TENM3: variants seen among roughly 807,000 people sequenced by gnomAD.
TENM3 encodes the protein teneurin-3.
Under a neutral mutation model 255.1 loss-of-function variants are expected in TENM3, and 63 were observed. The ratio of observed to expected loss-of-function variants is 0.25; its 90% confidence interval spans 0.20 to 0.30. The LOEUF (loss-of-function observed/expected upper bound fraction) is 0.30, where lower values mean the gene tolerates loss of function less well. Ranked by LOEUF, TENM3 falls within the 10% of genes least tolerant of loss-of-function variation. The pLI is 1.00. For missense variants in TENM3, 2,929 were observed against 3,461.1 expected (o/e 0.85, Z 3.86); for synonymous variants, 1,306 against 1,322.3 (o/e 0.99, Z 0.27).
intron 1 of TENM3, among the ~76,000 whole-genome samples, chr4:182,255,735 A>G (rs1687886667): frequency 6.6e-6 from 1 of 152,152 alleles, no homozygotes; most frequent in South Asian, 2.1e-4. Flanking sequence ...TGGGGAGAGG[A>G]TGGGTTCAGA....
the TENM3 span, among the ~76,000 whole-genome samples, chr4:181,590,493 G>A: frequency 1.3e-5 from 2 of 152,126 alleles, no homozygotes; most frequent in African/African-American, 4.8e-5. Context: ...GCTCCTTACC[G>A]AGGAAGGGTC....
rs1029461355 is a variant in TENM3, at chr4:182,569,943, A to G, written c.512-30981A>G. On this transcript the variant is annotated intron_variant, in intron 3 of 27. Transcript: ENST00000511685. ...TTTACTAGGTAGAGAATGTGCAGGT[A>G]GGATATATTAGGGTAAATAAAATGT... Among the ~76,000 whole-genome samples, 56 of 152,362 alleles carry G rather than the reference A, an allele frequency of 3.7e-4. 2 individuals are homozygous for G. The highest frequency in any genetic ancestry group is 6.8e-3 in the Middle Eastern group (2 of 294).
rs1248872926 is a variant in TENM3 at position 182,754,077 on chromosome 4, C to T, written c.4018-308C>T. Among the ~76,000 whole-genome samples, 1 of 152,212 alleles carries T rather than the reference C, an allele frequency of 6.6e-6. No individual in the cohort carries two copies. The highest frequency in any genetic ancestry group is 1.5e-5 in the Non-Finnish European group (1 of 68,030). On this transcript the variant is annotated intron_variant, in intron 21 of 27. Transcript: ENST00000511685. This position sits in a 1 kb window ranked among gnomAD's most constrained non-coding sequence, Gnocchi z 5.1. ...AAGCCCCAACATTTGGTGGTTATTGCTGCCATAAGGAACATGTGTGTTCAT... is the reference window on the plus strand; with the variant it reads ...AAGCCCCAACATTTGGTGGTTATTGTTGCCATAAGGAACATGTGTGTTCAT...
intron 3 of TENM3, among the ~76,000 whole-genome samples, chr4:182,510,809 C>A (rs1737318945): frequency 6.6e-6 from 1 of 152,156 alleles, no homozygotes; most frequent in South Asian, 2.1e-4. Context: ...TTGTAAGCCA[C>A]ATCAAATCCT....
At chr4:182,409,336 A>C (rs916660053) in intron 3 of TENM3, among the ~76,000 whole-genome samples, 1 of 152,302 alleles carries the variant, frequency 6.6e-6, no homozygotes, top group African/African-American at 2.4e-5. Context: ...GTTATAACAC[A>C]ACTTCTATTA....
At chr4:181,888,532 A>ATATATATGTGTG in the TENM3 span, among the ~76,000 whole-genome samples, 7 of 78,736 alleles carry the variant, frequency 8.9e-5, no homozygotes, top group African/African-American at 3.2e-4. Flanking sequence ...ATATACATAT[A>ATATATATGTGTG]TGTGTATATA....
chr4:181,931,990 T>G, the TENM3 span, among the ~76,000 whole-genome samples: 1 of 152,156 alleles, frequency 6.6e-6, no homozygotes, highest in African/African-American at 2.4e-5. Context: ...CTGGACCCCT[T>G]CCTTACATTT....
chr4:181,724,376 C>A, the TENM3 span, among the ~76,000 whole-genome samples: 3 of 151,770 alleles, frequency 2.0e-5, no homozygotes, highest in East Asian at 1.9e-4. Flanking sequence ...TGGTATCATA[C>A]CTCCTGGACT....
At chr4:182,034,134 A>G in the TENM3 span, among the ~76,000 whole-genome samples, 35 of 152,176 alleles carry the variant, frequency 2.3e-4, no homozygotes, top group Admixed American at 2.3e-3. Flanking sequence ...ACTTCCATTT[A>G]TAAAACCATA....
the TENM3 span, among the ~76,000 whole-genome samples, chr4:181,524,494 A>C: frequency 6.6e-6 from 1 of 152,290 alleles, no homozygotes; most frequent in East Asian, 1.9e-4. Flanking sequence ...AGGCTATTTG[A>C]TTAATCAGTT....
chr4:182,238,005 A>G (rs557109671), intron 1 of TENM3, among the ~76,000 whole-genome samples: 14 of 152,204 alleles, frequency 9.2e-5, no homozygotes, highest in Non-Finnish European at 1.6e-4. Flanking sequence ...ACCAAAATAT[A>G]TAGGTTTCTT....
chr4:182,147,695 A>G (rs1346064869), intron 1 of TENM3, among the ~76,000 whole-genome samples: 1 of 152,102 alleles, frequency 6.6e-6, no homozygotes, highest in Non-Finnish European at 1.5e-5. Flanking sequence ...ACTTAGGTTG[A>G]GAATATGAGC....
chr4:182,414,489 T>C (rs561115981), intron 3 of TENM3, among the ~76,000 whole-genome samples: 1 of 152,300 alleles, frequency 6.6e-6, no homozygotes, highest in Admixed American at 6.5e-5. Context: ...GAAAAATTAG[T>C]TTTTAATAAT....
At chr4:182,214,909 A>G (rs373131301) in intron 1 of TENM3, among the ~76,000 whole-genome samples, 2 of 152,326 alleles carry the variant, frequency 1.3e-5, no homozygotes, top group South Asian at 2.1e-4. Flanking sequence ...GTATGTAAGA[A>G]TGCATTGTGG....
the TENM3 span, among the ~76,000 whole-genome samples, chr4:181,495,517 G>A: frequency 2.0e-5 from 3 of 151,374 alleles, no homozygotes; most frequent in Admixed American, 1.3e-4. Context: ...TAGACCTAAA[G>A]CTCCTTAGGA....
intron 13 of TENM3, among the ~76,000 whole-genome samples, chr4:182,721,344 T>C (rs544041749): frequency 1.3e-5 from 2 of 152,306 alleles, no homozygotes; most frequent in South Asian, 4.1e-4. Flanking sequence ...CTTAAATAAA[T>C]ACTATTCTAA....
chr4:182,305,716 G>A (rs1762096377), intron 1 of TENM3, among the ~76,000 whole-genome samples: 1 of 152,212 alleles, frequency 6.6e-6, no homozygotes, highest in Non-Finnish European at 1.5e-5. Context: ...GGATGGAAGG[G>A]TAACCCCCTG....
the TENM3 span, among the ~76,000 whole-genome samples, chr4:181,523,445 G>A: frequency 1.3e-5 from 2 of 151,844 alleles, no homozygotes; most frequent in African/African-American, 4.8e-5. Flanking sequence ...TTTTCCAGGG[G>A]TAAGATGAAG....
intron 1 of TENM3, among the ~76,000 whole-genome samples, chr4:182,250,281 T>TGATCTCGTGATCCACC (rs1554038348): frequency 6.7e-6 from 1 of 149,870 alleles, no homozygotes; most frequent in Admixed American, 6.6e-5. Flanking sequence ...CTCGATCTCC[T>TGATCTCGTGATCCACC]GACCTCATGA....
Sources: gnomAD v4.1 joint callset for allele counts (sites outside exome capture counted in the v4.1 genomes callset) on GRCh38, gnomAD v4.1.1 for gene constraint, Gnocchi (gnomAD v3.1) non-coding constraint, MANE v1.5 for transcripts, NCBI Gene and HGNC (gene_info 2026-07-23, HGNC 2026-07-21) for gene names.